The following SOS1 variants were observed in gnomAD, a reference collection of about 807,000 sequenced individuals.
The protein encoded by SOS1 is son of sevenless homolog 1.
In SOS1, 25 loss-of-function variants were observed where a neutral mutation model predicts 157.6. The ratio of observed to expected loss-of-function variants is 0.16; its 90% CI spans 0.12 to 0.22. SOS1 has a LOEUF of 0.22. Ranked by LOEUF, SOS1 falls within the 10% of genes least tolerant of loss-of-function variation. The pLI is 1.00. For synonymous variants in SOS1, 528 were observed against 534.0 expected, an observed-to-expected ratio of 0.99 and a Z score of 0.16; for missense variants, 1,237 against 1,599.1, an observed-to-expected ratio of 0.77 and a Z score of 3.86.
chr2:39,089,785 CTCTT>C (rs1672516322), intron 1 of SOS1, among the ~76,000 whole-genome samples: 1 of 151,842 alleles, frequency 6.6e-6, no homozygotes, highest in South Asian at 2.1e-4. Context: ...CATTTATCCT[CTCTT>C]TCTGAGATCT....
intron 1 of SOS1, 58 bp downstream of exon 1, chr2:39,120,278 C>G: frequency 6.7e-7 from 1 of 1,482,902 alleles, no homozygotes. Flanking sequence ...CCCAGCCCTT[C>G]CCCAGCGCCC....
At chr2:39,107,505 T>C (rs946425817) in intron 1 of SOS1, among the ~76,000 whole-genome samples, 54 of 152,200 alleles carry the variant, frequency 3.5e-4, no homozygotes, top group African/African-American at 1.3e-3. Flanking sequence ...CAGACTTTCA[T>C]CAGTCTGACA....
intron 1 of SOS1, among the ~76,000 whole-genome samples, chr2:39,112,363 C>T (rs946424611): frequency 6.6e-6 from 1 of 152,202 alleles, no homozygotes; most frequent in Admixed American, 6.5e-5. Flanking sequence ...TCTTTCTTTC[C>T]CATGGCTCAC....
chr2:39,046,293 T>G (rs1670781446), intron 6 of SOS1, among the ~76,000 whole-genome samples: 1 of 152,158 alleles, frequency 6.6e-6, no homozygotes, highest in South Asian at 2.1e-4. Context: ...TACGGTTATC[T>G]ATAAATTTTT....
In SOS1 at chr2:39,054,780, A is replaced by G; in HGVS notation, c.554T>C (p.Ile185Thr). The change falls in exon 5 of 23, where the codon ATA becomes ACA. Residue 185 changes from isoleucine to threonine, a missense_variant. Ile to Thr is a moderately conservative substitution (Grantham distance 89). Transcript: ENST00000402219. ...MFHQDVEDIN[I>T]LSLTDEEPST... ...AGGCTCTTCGTCAGTTAAAGATAAT[A>G]TATTAATATCTTCTACATCTTGATG... is the stretch of plus-strand genomic sequence containing the variant. 6.4e-7 allele frequency: 1 copy of G among 1,568,860 alleles called. No individual in the cohort carries two copies. The highest frequency in any genetic ancestry group is 8.8e-7 in the Non-Finnish European group (1 of 1,139,028).
intron 2 of SOS1, among the ~76,000 whole-genome samples, chr2:39,061,170 T>C (rs1435051988): frequency 6.7e-6 from 1 of 149,680 alleles, no homozygotes; most frequent in Non-Finnish European, 1.5e-5. Context: ...TACAAGGGTA[T>C]TAATGAAATC....
At chr2:39,014,052 C>T in intron 11 of SOS1, 63 bp from the exon 12 acceptor site, 2 of 1,306,592 alleles carry the variant, frequency 1.5e-6, no homozygotes, top group South Asian at 1.2e-5. Context: ...AAATAGAAAA[C>T]CACAAACGTT....
chr2:38,995,391 T>C lies in SOS1; in HGVS notation c.3082-4A>G, dbSNP rs745546117. The C allele has an allele frequency of 4.3e-6, 7 of 1,611,946 alleles. No homozygotes were observed. The highest frequency in any genetic ancestry group is 4.5e-5 in the East Asian group (2 of 44,876). On this transcript the variant is annotated splice_region_variant and splice_polypyrimidine_tract_variant and intron_variant, in intron 19 of 22. Transcript: ENST00000402219. Reference sequence around the variant, plus strand: ...GGGGATAGCTATATTTTTTTGGCTGTAGACATATCAAAAGAAACACAATAC... The same window carrying C: ...GGGGATAGCTATATTTTTTTGGCTGCAGACATATCAAAAGAAACACAATAC...
At chr2:39,076,742 T>C (rs1196250446) in intron 1 of SOS1, among the ~76,000 whole-genome samples, 2 of 152,182 alleles carry the variant, frequency 1.3e-5, no homozygotes, top group Non-Finnish European at 2.9e-5. Flanking sequence ...AAGACAAGGA[T>C]ACCTACTATC....
intron 1 of SOS1, among the ~76,000 whole-genome samples, chr2:39,106,257 A>C (rs1673174468): frequency 6.6e-6 from 1 of 151,582 alleles, no homozygotes; most frequent in African/African-American, 2.4e-5. Flanking sequence ...TTCCTCAAGT[A>C]ATCTTCCTGT....
At chr2:39,123,957 T>A (rs921875707), upstream of SOS1, among the ~76,000 whole-genome samples, 2 of 152,136 alleles carry the variant, frequency 1.3e-5, no homozygotes, top group Admixed American at 6.5e-5. Context: ...CCTAGAAACA[T>A]GGGTTACAGC....
chr2:39,076,695 G>C (rs112269624), intron 1 of SOS1, among the ~76,000 whole-genome samples: 2,144 of 152,158 alleles, frequency 0.014, 68 homozygotes, highest in African/African-American at 0.049. Flanking sequence ...ATAATCAATA[G>C]TGCAATACTA....
chr2:39,073,536 A>G lies in SOS1; in HGVS notation c.88-5783T>C, dbSNP rs77076029. ...AAGGAGTAATCACTATATTCAATTA[A>G]AGATGAAAACTCTTGAATTATAAAC... On this transcript the variant is annotated intron_variant, in intron 1 of 22. Transcript: ENST00000402219. Among the ~76,000 whole-genome samples, 10 of 152,354 alleles carry G rather than the reference A, an allele frequency of 6.6e-5. No homozygotes were observed. In the East Asian group the frequency reaches 1.9e-3, roughly 29 times the overall value.
chr2:39,106,156 G>A (rs1394931780), intron 1 of SOS1, among the ~76,000 whole-genome samples: 1 of 148,356 alleles, frequency 6.7e-6, no homozygotes, highest in African/African-American at 2.5e-5. Flanking sequence ...GAAGGTGGAG[G>A]CTGCAGTGAG....
At chr2:38,991,767 A>C (rs1244948379) in intron 20 of SOS1, among the ~76,000 whole-genome samples, 1 of 152,268 alleles carries the variant, frequency 6.6e-6, no homozygotes, top group East Asian at 1.9e-4. Flanking sequence ...TTAACTGTGA[A>C]TCTCTTTGCA....
chr2:39,098,662 G>A (rs1672858299), intron 1 of SOS1, among the ~76,000 whole-genome samples: 1 of 152,186 alleles, frequency 6.6e-6, no homozygotes, highest in East Asian at 1.9e-4. Flanking sequence ...GGCCGAGGCA[G>A]GCAGATCACG....
At position 39,088,482 on chromosome 2, in the gene SOS1, C is replaced by T. The variant is rs1270763984; in HGVS notation, c.88-20729G>A. ...CTGCACCTGTTAAACAATAACTCCC[C>T]AATTCCTCCTCCCTGCAGGCTCTGG... is the stretch of plus-strand genomic sequence containing the variant. On this transcript the variant is annotated intron_variant, in intron 1 of 22. Coordinates refer to ENST00000402219, the MANE Select transcript of SOS1 (RefSeq NM_005633.4). 7.2e-5 allele frequency among the ~76,000 whole-genome samples: 11 copies of T among 151,958 alleles called. 1 individual carries two copies.
At chr2:39,025,603 G>A (rs1669933047) in intron 8 of SOS1, among the ~76,000 whole-genome samples, 2 of 151,366 alleles carry the variant, frequency 1.3e-5, no homozygotes, top group African/African-American at 4.9e-5. Context: ...CAAGTGATCT[G>A]CCTGCTTCGG....
At chr2:39,004,438 A>G (rs1393892562) in intron 17 of SOS1, among the ~76,000 whole-genome samples, 2 of 147,804 alleles carry the variant, frequency 1.4e-5, no homozygotes, top group Non-Finnish European at 3.0e-5. Context: ...AGGAAGTCCC[A>G]TATGTAAACA....
Sources: allele counts gnomAD v4.1 joint callset (sites outside exome capture counted in the v4.1 genomes callset), GRCh38; gene constraint gnomAD v4.1.1; transcripts MANE v1.5; gene names NCBI Gene and HGNC (gene_info 2026-07-23, HGNC 2026-07-21).